UNC79: variants seen among roughly 807,000 people sequenced by gnomAD.
UNC79 encodes the protein unc-79 subunit of NALCN channel complex.
Under a neutral mutation model 283.1 loss-of-function variants are expected in UNC79, and 37 were observed. The observed-to-expected ratio is 0.13, with a 90% CI of 0.10 to 0.17. UNC79 has a LOEUF of 0.17. Among genes scored for constraint, UNC79 ranks in the 10% least tolerant of loss-of-function variants. The pLI is 1.00. For synonymous variants in UNC79, 1,107 were observed against 1,200.2 expected (o/e 0.92, Z 1.61); for missense variants, 2,272 against 3,211.1 (o/e 0.71, Z 7.07).
intron 4 of UNC79, among the ~76,000 whole-genome samples, chr14:93,483,810 A>T (rs930052351): frequency 1.1e-4 from 17 of 151,394 alleles, no homozygotes; most frequent in African/African-American, 3.9e-4. Context: ...TGTCCTTGCG[A>T]TAGTTTGCTC....
At chr14:93,350,213 T>C (rs997491930) in intron 1 of UNC79, among the ~76,000 whole-genome samples, 2 of 152,060 alleles carry the variant, frequency 1.3e-5, no homozygotes, top group Non-Finnish European at 2.9e-5. Flanking sequence ...ATAATTCTTA[T>C]ATAATTCTAA....
intron 1 of UNC79, chr14:93,437,435 C>G (rs1408417962): frequency 6.6e-6 from 1 of 152,082 alleles, no homozygotes; most frequent in Non-Finnish European, 1.5e-5. Context: ...TATGTGTCAT[C>G]CTTGCGCAAG....
At chr14:93,380,800 TATACTC>T (rs139893636) in intron 1 of UNC79, among the ~76,000 whole-genome samples, 2,402 of 152,334 alleles carry the variant, frequency 0.016, 62 homozygotes, top group African/African-American at 0.055. Context: ...TGGTGACTCT[TATACTC>T]ATGTTTTTGC....
intron 26 of UNC79, among the ~76,000 whole-genome samples, chr14:93,607,988 A>C (rs1296832343): frequency 6.6e-6 from 1 of 152,140 alleles, no homozygotes; most frequent in Non-Finnish European, 1.5e-5. Flanking sequence ...TTGTTTGAAG[A>C]TATGTTTTTT....
chr14:93,337,102 T>G (rs1353708904), intron 1 of UNC79, among the ~76,000 whole-genome samples: 1 of 152,166 alleles, frequency 6.6e-6, no homozygotes, highest in African/African-American at 2.4e-5. Flanking sequence ...AGAACTTCCT[T>G]GATGCCTTTC....
At chr14:93,366,970 G>C (rs575783114) in intron 1 of UNC79, among the ~76,000 whole-genome samples, 29 of 152,260 alleles carry the variant, frequency 1.9e-4, no homozygotes, top group African/African-American at 7.0e-4. Context: ...CCTCTGAGTA[G>C]AAAAAGCAGT....
At chr14:93,706,966 C>T (rs557904602), downstream of UNC79, 2 of 1,571,814 alleles carry the variant, frequency 1.3e-6, no homozygotes, top group Admixed American at 1.7e-5. Flanking sequence ...TAAAAACAAA[C>T]AATTTGATCC....
At chr14:93,369,758 G>A (rs2054405758) in intron 1 of UNC79, among the ~76,000 whole-genome samples, 1 of 152,198 alleles carries the variant, frequency 6.6e-6, no homozygotes, top group Non-Finnish European at 1.5e-5. Context: ...AGAGGGAAAA[G>A]GAACCATTTT....
chr14:93,551,425 G>C (rs2061894263), intron 14 of UNC79, among the ~76,000 whole-genome samples: 1 of 152,190 alleles, frequency 6.6e-6, no homozygotes, highest in Non-Finnish European at 1.5e-5. Flanking sequence ...GGCAGTGCAT[G>C]TTAGAGGTAG....
intron 1 of UNC79, chr14:93,347,904 A>T (rs984381177): frequency 3.4e-6 from 2 of 586,470 alleles, no homozygotes; most frequent in Non-Finnish European, 6.2e-6. Context: ...AGATTTCACT[A>T]GGCGCCTGTT....
intron 2 of UNC79, among the ~76,000 whole-genome samples, chr14:93,468,992 C>T (rs2057361804): frequency 6.6e-6 from 1 of 152,154 alleles, no homozygotes; most frequent in African/African-American, 2.4e-5. Context: ...CTTCTTTTGT[C>T]TTTGAGGTCC....
intron 1 of UNC79, among the ~76,000 whole-genome samples, chr14:93,448,015 A>T (rs887337305): frequency 1.3e-5 from 2 of 151,956 alleles, no homozygotes; most frequent in African/African-American, 4.8e-5. Flanking sequence ...CAAGTCTGAA[A>T]ATTTCTGCCT....
intron 7 of UNC79, among the ~76,000 whole-genome samples, chr14:93,513,607 C>G (rs1263537556): frequency 1.3e-5 from 2 of 151,994 alleles, no homozygotes; most frequent in Non-Finnish European, 2.9e-5. Flanking sequence ...GTGTAATGAT[C>G]AAGTCATGGT....
intron 1 of UNC79, among the ~76,000 whole-genome samples, chr14:93,403,073 C>A (rs1158461299): frequency 6.6e-6 from 1 of 152,104 alleles, no homozygotes; most frequent in Non-Finnish European, 1.5e-5. Context: ...AGGTAGGAGA[C>A]AAATGGTTGC....
intron 35 of UNC79, among the ~76,000 whole-genome samples, chr14:93,652,775 G>A (rs1162416270): frequency 6.6e-6 from 1 of 152,140 alleles, no homozygotes; most frequent in African/African-American, 2.4e-5. Context: ...TGGCCATGAC[G>A]ACTATGGGTC....
At chr14:93,348,253 G>A (rs1420808107) in intron 1 of UNC79, 3 of 624,794 alleles carry the variant, frequency 4.8e-6, no homozygotes, top group African/African-American at 1.8e-5. Flanking sequence ...TGTTTATGAT[G>A]AATATTTTGC....
At chr14:93,487,325 G>T (rs1255869289) in intron 4 of UNC79, among the ~76,000 whole-genome samples, 1 of 151,852 alleles carries the variant, frequency 6.6e-6, no homozygotes, top group Non-Finnish European at 1.5e-5. Flanking sequence ...TTATCTTTGG[G>T]CACACAGAGG....
At chr14:93,624,167 T>G (rs2067360828) in intron 30 of UNC79, among the ~76,000 whole-genome samples, 1 of 152,172 alleles carries the variant, frequency 6.6e-6, no homozygotes. Flanking sequence ...TGCACTCGGC[T>G]TTTTTATTTG....
chr14:93,357,528 T>C (rs889836719), intron 1 of UNC79, among the ~76,000 whole-genome samples: 2 of 151,416 alleles, frequency 1.3e-5, no homozygotes, highest in African/African-American at 2.4e-5. Context: ...CCTAAATCTT[T>C]CTCCCATACT....
Sources: gnomAD v4.1 joint callset for allele counts (sites outside exome capture counted in the v4.1 genomes callset) on GRCh38, gnomAD v4.1.1 for gene constraint, MANE v1.5 for transcripts, NCBI Gene and HGNC (gene_info 2026-07-23, HGNC 2026-07-21) for gene names.